The following PRR11 variants were observed in gnomAD, a reference collection of about 807,000 sequenced individuals.
PRR11 encodes proline-rich protein 11.
In PRR11, 30 loss-of-function variants were observed where a neutral mutation model predicts 45.6. The observed-to-expected ratio is 0.66, with a 90% CI of 0.49 to 0.89. PRR11 has a LOEUF of 0.89. Ranked by LOEUF, PRR11 falls within the 40% of genes least tolerant of loss-of-function variation. The pLI, the probability that PRR11 is intolerant of heterozygous loss-of-function variation, is 0.00. For missense variants in PRR11, 373 were observed against 424.8 expected, an observed-to-expected ratio of 0.88 and a Z score of 1.07; for synonymous variants, 128 against 153.5, an observed-to-expected ratio of 0.83 and a Z score of 1.23.
At chr17:59,195,286 A>G in intron 6 of PRR11, 45 bp from the exon 7 acceptor site, 1 of 1,431,534 alleles carries the variant, frequency 7.0e-7, no homozygotes, top group Non-Finnish European at 9.8e-7. Context: ...ATTTTGAGTG[A>G]TATTTTAAAA....
chr17:59,190,480 A>C (rs1328016843), intron 4 of PRR11, among the ~76,000 whole-genome samples: 1 of 142,750 alleles, frequency 7.0e-6, no homozygotes, highest in Non-Finnish European at 1.6e-5. Context: ...ACTCCATCTC[A>C]AAAAAAAAAA....
chr17:59,179,742 C>T, intron 2 of PRR11: 2 of 1,403,176 alleles, frequency 1.4e-6, no homozygotes, highest in South Asian at 1.1e-5. Flanking sequence ...AGCGTCTCCG[C>T]CACCCAGGTC....
chr17:59,182,389 CTTT>C (rs147890743), intron 2 of PRR11, among the ~76,000 whole-genome samples: 1 of 107,354 alleles, frequency 9.3e-6, no homozygotes. Context: ...TCTGACCCTT[CTTT>C]TTTTTTTTTT....
At chr17:59,182,109 C>T (rs945838184) in intron 2 of PRR11, among the ~76,000 whole-genome samples, 11 of 151,364 alleles carry the variant, frequency 7.3e-5, no homozygotes, top group African/African-American at 2.7e-4. Context: ...TTCACTGCAA[C>T]ATCTGTCTCC....
chr17:59,193,833 G>C (rs1316051352), intron 5 of PRR11, 99 bp downstream of exon 5: 2 of 1,369,050 alleles, frequency 1.5e-6, no homozygotes, highest in Non-Finnish European at 2.0e-6. Context: ...GCTAATCAGG[G>C]CTTGGGCCAG....
chr17:59,184,102 G>A (rs1313272847), intron 2 of PRR11, among the ~76,000 whole-genome samples: 1 of 151,954 alleles, frequency 6.6e-6, no homozygotes, highest in Non-Finnish European at 1.5e-5. Context: ...AAGACGTTGT[G>A]TCAAAAAAAA....
intron 1 of PRR11, among the ~76,000 whole-genome samples, chr17:59,156,816 A>G (rs1347557828): frequency 6.6e-6 from 1 of 151,876 alleles, no homozygotes; most frequent in Non-Finnish European, 1.5e-5. Context: ...TTTAGTAGAG[A>G]CGGGGTTTCA....
rs760504257 is a variant in PRR11, at chr17:59,193,488, C to A, written c.403-4C>A. Reference sequence around the variant, plus strand: ...TATTTGCCAAATGTGATGTCTTCTTCCAGACCATCTCAGAAAGTTCTTCCT... The same window carrying A: ...TATTTGCCAAATGTGATGTCTTCTTACAGACCATCTCAGAAAGTTCTTCCT... On this transcript the variant is annotated splice_region_variant and splice_polypyrimidine_tract_variant and intron_variant, in intron 4 of 9. Coordinates refer to ENST00000262293, the MANE Select transcript of PRR11 (RefSeq NM_018304.4). 6.2e-7 allele frequency: 1 copy of A among 1,614,068 alleles called. No homozygotes were observed. The highest frequency in any genetic ancestry group is 2.2e-5 in the East Asian group (1 of 44,892).
At chr17:59,196,918 C>A (rs140541931) in intron 7 of PRR11, among the ~76,000 whole-genome samples, 1 of 151,940 alleles carries the variant, frequency 6.6e-6, no homozygotes, top group African/African-American at 2.4e-5. Flanking sequence ...GGCACAAGCT[C>A]GGCTCACTAC....
chr17:59,169,806 A>T lies in PRR11; in HGVS notation c.54A>T (p.Leu18Phe). Residue 18 changes from leucine to phenylalanine, a missense_variant, in exon 2 of 10, where the codon TTA (leucine) becomes TTT (phenylalanine). Coordinates refer to ENST00000262293, the MANE Select transcript of PRR11 (RefSeq NM_018304.4). ...AGCTAAAAGCCAAAGCCGAAAGATT[A>T]TTCAAAAAAAAAGAAGCCTCTCACT... ...RRKLKAKAERLFKKKEASHFQ... is the reference protein window; with the variant it reads ...RRKLKAKAERFFKKKEASHFQ... The T allele has an allele frequency of 6.2e-7, 1 of 1,611,942 alleles. No individual in the cohort carries two copies. The highest frequency in any genetic ancestry group is 8.5e-7 in the Non-Finnish European group (1 of 1,179,408).
chr17:59,179,690 G>C, intron 2 of PRR11: 1 of 1,447,792 alleles, frequency 6.9e-7, no homozygotes. Context: ...AGGGAGCACG[G>C]GTGACACTCG....
At chr17:59,185,256 G>A (rs747796834) in intron 3 of PRR11, 52 bp downstream of exon 3, 1 of 1,596,746 alleles carries the variant, frequency 6.3e-7, no homozygotes, top group Non-Finnish European at 8.6e-7. Context: ...TACACACTTG[G>A]TGTTTATATA....
intron 4 of PRR11, among the ~76,000 whole-genome samples, chr17:59,191,038 T>C (rs2046838430): frequency 6.6e-6 from 1 of 152,124 alleles, no homozygotes; most frequent in African/African-American, 2.4e-5. Flanking sequence ...CCAGGTCACC[T>C]GGTTCCTGGT....
At chr17:59,161,167 G>C (rs981776697) in intron 1 of PRR11, among the ~76,000 whole-genome samples, 1 of 152,092 alleles carries the variant, frequency 6.6e-6, no homozygotes, top group Non-Finnish European at 1.5e-5. Flanking sequence ...AGTACTTTGG[G>C]AGGCCGAGGG....
intron 2 of PRR11, among the ~76,000 whole-genome samples, chr17:59,182,067 G>A (rs1445757718): frequency 2.7e-5 from 4 of 146,806 alleles, no homozygotes; most frequent in Non-Finnish European, 4.5e-5. Flanking sequence ...TTGCTTTGTC[G>A]CCCGGGCTGG....
chr17:59,194,368 C>G (rs1308573340), intron 5 of PRR11, among the ~76,000 whole-genome samples: 1 of 151,524 alleles, frequency 6.6e-6, no homozygotes, highest in Non-Finnish European at 1.5e-5. Context: ...TGTATACATT[C>G]TTGTTCTGTG....
intron 2 of PRR11, among the ~76,000 whole-genome samples, chr17:59,174,628 T>A (rs1379063432): frequency 6.6e-6 from 1 of 152,094 alleles, no homozygotes; most frequent in Non-Finnish European, 1.5e-5. Context: ...GGAGAGGGGA[T>A]CTCGCCATGT....
At chr17:59,180,508 TTGTTTTTTTTG>T (rs1268985627) in intron 2 of PRR11, among the ~76,000 whole-genome samples, 1 of 127,452 alleles carries the variant, frequency 7.8e-6, no homozygotes, top group African/African-American at 3.1e-5. Context: ...TTTTTTTTTT[TTGTTTTTTTTG>T]TTTTTTTTGC....
At position 59,202,618 on chromosome 17, in the gene PRR11, T is replaced by C. The variant is rs994718596; in HGVS notation, c.*987T>C. 1 of 152,184 alleles carries C rather than the reference T, an allele frequency of 6.6e-6. No individual in the cohort carries two copies. The highest frequency in any genetic ancestry group is 2.4e-5 in the African/African-American group (1 of 41,442). 9.4% of individuals were successfully genotyped at this position (152,184 alleles called of 1,614,324 possible). A position where few individuals can be genotyped will look rare whatever the true frequency, so the allele number is the denominator to read the frequency against. ...TATCATTTCTAGCATCTTAGGTAGG[T>C]ACTTATATCTGGCTTACAGAAGTCT... On this transcript the variant is annotated 3_prime_UTR_variant, in exon 10 of 10. Coordinates refer to ENST00000262293, the MANE Select transcript of PRR11 (RefSeq NM_018304.4).
Sources: allele counts gnomAD v4.1 joint callset (sites outside exome capture counted in the v4.1 genomes callset), GRCh38; gene constraint gnomAD v4.1.1; transcripts MANE v1.5; gene names NCBI Gene and HGNC (gene_info 2026-07-23, HGNC 2026-07-21).